PBX1: variants seen among roughly 807,000 people sequenced by gnomAD.
The protein encoded by PBX1 is pre-B-cell leukemia transcription factor 1.
In PBX1, 6 loss-of-function variants were observed where a neutral mutation model predicts 53.4. That is an observed-to-expected ratio of 0.11 (90% confidence interval 0.06 to 0.22). The LOEUF is 0.22. Ranked by LOEUF, PBX1 falls within the 10% of genes least tolerant of loss-of-function variation. The pLI is 1.00. For missense variants in PBX1, 251 were observed against 551.4 expected (o/e 0.46, Z 5.46); for synonymous variants, 204 against 212.3 (o/e 0.96, Z 0.34).
intron 2 of PBX1, among the ~76,000 whole-genome samples, chr1:164,655,101 T>G (rs1660070015): frequency 2.8e-3 from 2 of 724 alleles, no homozygotes; most frequent in African/African-American, 3.1e-3. Context: ...CTGATGTGTG[T>G]TTTTTTTTTT....
intron 2 of PBX1, among the ~76,000 whole-genome samples, chr1:164,714,861 C>G (rs184628813): frequency 8.5e-5 from 13 of 152,280 alleles, no homozygotes; most frequent in Non-Finnish European, 1.0e-4. Flanking sequence ...AGGACTGGAG[C>G]TAGGATATTC....
At chr1:164,599,056 T>G (rs1655969138) in intron 2 of PBX1, among the ~76,000 whole-genome samples, 1 of 142,720 alleles carries the variant, frequency 7.0e-6, no homozygotes, top group Admixed American at 7.7e-5. Flanking sequence ...ATTTTCTGTC[T>G]CTTTTTTCCT....
At chr1:164,654,592 G>T (rs1453427155) in intron 2 of PBX1, among the ~76,000 whole-genome samples, 1 of 152,178 alleles carries the variant, frequency 6.6e-6, no homozygotes, top group Non-Finnish European at 1.5e-5. Flanking sequence ...ACTATCCCTG[G>T]TGATATCTGT....
At chr1:164,882,345 C>T (rs569678055) in intron 2 of PBX1, among the ~76,000 whole-genome samples, 2 of 152,156 alleles carry the variant, frequency 1.3e-5, no homozygotes, top group Non-Finnish European at 2.9e-5. Context: ...CTGTGCTCCT[C>T]ATTTTCATGG....
intron 2 of PBX1, among the ~76,000 whole-genome samples, chr1:164,791,532 G>A (rs1668507919): frequency 6.6e-6 from 1 of 152,158 alleles, no homozygotes; most frequent in Non-Finnish European, 1.5e-5. Flanking sequence ...CTCACTCTCT[G>A]CTAGTCCACA....
chr1:164,663,594 T>C (rs1660641064), intron 2 of PBX1, among the ~76,000 whole-genome samples: 1 of 152,226 alleles, frequency 6.6e-6, no homozygotes, highest in Non-Finnish European at 1.5e-5. Flanking sequence ...TCAAAGATAC[T>C]TATATTTAAT....
intron 3 of PBX1, among the ~76,000 whole-genome samples, chr1:164,799,104 G>A (rs944711773): frequency 3.9e-5 from 6 of 152,052 alleles, no homozygotes; most frequent in African/African-American, 1.2e-4. Flanking sequence ...TTTTATACTA[G>A]AAGTCATATT....
intron 2 of PBX1, among the ~76,000 whole-genome samples, chr1:164,675,509 G>A (rs1325792299): frequency 4.6e-5 from 7 of 152,100 alleles, no homozygotes; most frequent in South Asian, 2.1e-4. Flanking sequence ...GCCTAGCACC[G>A]CCCAGGCCTA....
At position 164,766,299 on chromosome 1, in the gene PBX1, A is replaced by G. The variant is rs545497397; in HGVS notation, c.266-26195A>G. 7.2e-5 allele frequency among the ~76,000 whole-genome samples: 11 copies of G among 152,320 alleles called. No individual in the cohort carries two copies. In the South Asian group the frequency reaches 2.3e-3, roughly 32 times the overall value. On this transcript the variant is annotated intron_variant, in intron 2 of 8. Coordinates refer to ENST00000420696, the MANE Select transcript of PBX1 (RefSeq NM_002585.4). ...GACTGAGCAGTGATTGTAGAAACATAAAGTGTCATCATTACAGATTTAAGA... is the reference window on the plus strand; with the variant it reads ...GACTGAGCAGTGATTGTAGAAACATGAAGTGTCATCATTACAGATTTAAGA...
chr1:164,666,252 C>T (rs1366837493), intron 2 of PBX1, among the ~76,000 whole-genome samples: 1 of 152,190 alleles, frequency 6.6e-6, no homozygotes, highest in African/African-American at 2.4e-5. Flanking sequence ...GCCCTTCTTC[C>T]CCAAAGCCTC....
intron 2 of PBX1, among the ~76,000 whole-genome samples, chr1:164,615,942 C>T (rs1444380625): frequency 6.6e-6 from 1 of 152,140 alleles, no homozygotes; most frequent in Non-Finnish European, 1.5e-5. Flanking sequence ...AGCCAGGAGT[C>T]TGGGGAGGCC....
At position 164,583,989 on chromosome 1, in the gene PBX1, T is replaced by C. The variant is rs552587389; in HGVS notation, c.265+20678T>C. Among the ~76,000 whole-genome samples the C allele has an allele frequency of 3.9e-5, 6 of 152,244 alleles. No individual in the cohort carries two copies. The East Asian group carries it at 9.7e-4, about 25-fold the overall frequency. ...AAGATGAATCCAGTTTTCTCCAAGA[T>C]TGCAAGCTCCCCCTTGAAGATGGTA... is the stretch of plus-strand genomic sequence containing the variant. On this transcript the variant is annotated intron_variant, in intron 2 of 8. Coordinates refer to ENST00000420696, the MANE Select transcript of PBX1 (RefSeq NM_002585.4).
At chr1:164,667,556 A>T (rs1388179557) in intron 2 of PBX1, among the ~76,000 whole-genome samples, 1 of 152,142 alleles carries the variant, frequency 6.6e-6, no homozygotes, top group Admixed American at 6.5e-5. Context: ...GTCCCTGGGT[A>T]GCTGCTTCAG....
rs1482476021 is a variant in PBX1 at position 164,777,029 on chromosome 1, AATGG to A, written c.266-15463_266-15460del. Among the ~76,000 whole-genome samples the A allele has an allele frequency of 2.0e-5, 3 of 150,316 alleles. No homozygotes were observed. In the East Asian group the frequency reaches 5.9e-4, roughly 30 times the overall value. ...CCATCCAGAAGATGGAGGTACAAGT[AATGG>A]AAGCTTTTTTTCTTCTCCCTACATA... On this transcript the variant is annotated intron_variant, in intron 2 of 8. Coordinates refer to ENST00000420696, the MANE Select transcript of PBX1 (RefSeq NM_002585.4).
intron 2 of PBX1, among the ~76,000 whole-genome samples, chr1:164,655,117 A>AT (rs1491034003): frequency 1.5e-4 from 14 of 91,312 alleles, no homozygotes; most frequent in African/African-American, 4.7e-4. Flanking sequence ...TTTTTTTTTT[A>AT]TTTTTATTTT....
chr1:164,879,726 T>C (rs1672600578), intron 2 of PBX1, among the ~76,000 whole-genome samples: 1 of 152,200 alleles, frequency 6.6e-6, no homozygotes, highest in Non-Finnish European at 1.5e-5. Flanking sequence ...CATACTAAAG[T>C]AATGGGAGTG....
chr1:164,879,489 G>A lies in PBX1; in HGVS notation n.258-19699G>A, dbSNP rs976829264. ...AACATAGGTGAGGAGGGCAATTTCT[G>A]TCATCTTGGGTTTGACATGTAACAG... On this transcript the variant is annotated intron_variant and non_coding_transcript_variant, in intron 2 of 2. Coordinates refer to the PBX1 transcript ENST00000558796. 3.3e-5 allele frequency among the ~76,000 whole-genome samples: 5 copies of A among 152,172 alleles called. No homozygotes were observed. The East Asian group carries it at 5.8e-4, about 18-fold the overall frequency.
chr1:164,825,535 A>C (rs1253738993), intron 8 of PBX1, among the ~76,000 whole-genome samples: 1 of 152,246 alleles, frequency 6.6e-6, no homozygotes, highest in Non-Finnish European at 1.5e-5. Context: ...AAAGTATCTG[A>C]TGAGAATTAC....
At chr1:164,793,316 A>G (rs761149450) in intron 3 of PBX1, among the ~76,000 whole-genome samples, 1 of 152,100 alleles carries the variant, frequency 6.6e-6, no homozygotes, top group Non-Finnish European at 1.5e-5. Flanking sequence ...ATATGACACA[A>G]ATCATCCTCT....
Sources: gnomAD v4.1 joint callset for allele counts (sites outside exome capture counted in the v4.1 genomes callset) on GRCh38, gnomAD v4.1.1 for gene constraint, MANE v1.5 for transcripts, NCBI Gene and HGNC (gene_info 2026-07-23, HGNC 2026-07-21) for gene names.